Variants in TRMT44 observed in about 807,000 individuals in gnomAD.
TRMT44 encodes probable tRNA (uracil-O(2)-)-methyltransferase.
A neutral mutation model predicts 77.3 loss-of-function variants in TRMT44; 78 were observed. The observed-to-expected ratio is 1.01, with a 90% CI of 0.84 to 1.22. The LOEUF (loss-of-function observed/expected upper bound fraction) is 1.22, where lower values mean the gene tolerates loss of function less well. Ranked by LOEUF, TRMT44 falls within the 50% of genes most tolerant of loss-of-function variation. The probability of loss-of-function intolerance (pLI) is 0.00; values close to 1 mark genes in which losing one functional copy is unlikely to be tolerated. For missense variants in TRMT44, 1,090 were observed against 964.4 expected (o/e 1.13, Z -1.73); for synonymous variants, 391 against 383.3 (o/e 1.02, Z -0.23).
the TRMT44 span, among the ~76,000 whole-genome samples, chr4:8,503,594 A>C: frequency 6.6e-6 from 1 of 152,194 alleles, no homozygotes; most frequent in South Asian, 2.1e-4. Context: ...CTCAGAGAAC[A>C]CAGCAAAGAG....
rs1724947821 is a variant in TRMT44 at position 8,444,572 on chromosome 4, A to T, written c.620-1904A>T. 6.6e-6 allele frequency among the ~76,000 whole-genome samples: 1 copy of T among 151,908 alleles called. No individual in the cohort carries two copies. Among genetic ancestry groups the T allele is most frequent in the Admixed American group, 6.6e-5 (1 of 15,252 alleles). Reference sequence around the variant, plus strand: ...GCCACGACGCCCAGCTAATTTTTGTATTTTTCGTAGAGATGGGGTTTCACC... The same window carrying T: ...GCCACGACGCCCAGCTAATTTTTGTTTTTTTCGTAGAGATGGGGTTTCACC... On this transcript the variant is annotated intron_variant, in intron 1 of 10. Coordinates refer to ENST00000389737, the MANE Select transcript of TRMT44 (RefSeq NM_152544.3). This position sits in a 1 kb window ranked among gnomAD's most constrained non-coding sequence, Gnocchi z 4.0.
Position 8,465,360 on chromosome 4 carries a change from T to G in TRMT44, c.1311-18T>G, listed in dbSNP as rs768343904. 6.3e-6 allele frequency: 10 copies of G among 1,599,896 alleles called. No homozygotes were observed. In the Admixed American group the frequency reaches 1.2e-4, roughly 19 times the overall value. On this transcript the variant is annotated intron_variant, in intron 7 of 10. Coordinates refer to ENST00000389737, the MANE Select transcript of TRMT44 (RefSeq NM_152544.3). ...TGCTCAGGATGCTTGACCCTGTGGT[T>G]GTTGGTTCTTTTTGAAGGTCTTCCT... is the stretch of plus-strand genomic sequence containing the variant.
At chr4:8,470,408 T>C (rs1289114435) in intron 9 of TRMT44, among the ~76,000 whole-genome samples, 1 of 152,280 alleles carries the variant, frequency 6.6e-6, no homozygotes, top group Non-Finnish European at 1.5e-5. Flanking sequence ...GTGCAGCACC[T>C]GGCAGATAGG....
At chr4:8,504,742 G>A in the TRMT44 span, among the ~76,000 whole-genome samples, 157 of 152,244 alleles carry the variant, frequency 1.0e-3, no homozygotes, top group East Asian at 6.2e-3. The surrounding 1 kb of genome is among the most constrained non-coding windows in gnomAD (Gnocchi z 5.3). Flanking sequence ...TCTTGCCCCT[G>A]TCACAACCCA....
chr4:8,449,933 T>A, intron 3 of TRMT44, 45 bp downstream of exon 3: 1 of 631,520 alleles, frequency 1.6e-6, no homozygotes, highest in Non-Finnish European at 2.2e-6. Flanking sequence ...TTCATGATTT[T>A]CTTTTCTTTT....
In TRMT44 at chr4:8,468,193, A is replaced by G; in HGVS notation, c.1774A>G (p.Arg592Gly). 1 of 1,614,230 alleles carries G rather than the reference A, an allele frequency of 6.2e-7. No individual in the cohort carries two copies. The highest frequency in any genetic ancestry group is 2.2e-5 in the East Asian group (1 of 44,890). ...EGPWLPGFHP[R>G]EKAERVRNCA... is the part of the protein sequence containing the mutation. Reference sequence around the variant, plus strand: ...ACCCTGGCTACCTGGATTTCATCCCAGAGAAAAGGCTGAGCGTGTGAGGAA... The same window carrying G: ...ACCCTGGCTACCTGGATTTCATCCCGGAGAAAAGGCTGAGCGTGTGAGGAA... Residue 592 changes from arginine (R) to glycine (G), a missense_variant, in exon 9 of 11, where the codon AGA becomes GGA. Transcript: ENST00000389737.
At chr4:8,454,309 C>T (rs1392103163) in intron 5 of TRMT44, 1 of 173,018 alleles carries the variant, frequency 5.8e-6, no homozygotes, top group Non-Finnish European at 1.2e-5. Flanking sequence ...CACCTTCTTA[C>T]CTGCCTTGCA....
chr4:8,464,527 C>T (rs547278575), intron 7 of TRMT44, among the ~76,000 whole-genome samples: 6 of 152,182 alleles, frequency 3.9e-5, no homozygotes, highest in South Asian at 4.1e-4. Flanking sequence ...TGTGTGTGTC[C>T]GAGAGACTTG....
the TRMT44 span, among the ~76,000 whole-genome samples, chr4:8,511,327 C>T: frequency 6.6e-6 from 1 of 152,336 alleles, no homozygotes; most frequent in East Asian, 1.9e-4. Flanking sequence ...AGGTGCTTCC[C>T]TTCTCCGTGG....
intron 2 of TRMT44, among the ~76,000 whole-genome samples, chr4:8,490,813 A>C (rs1159945499): frequency 6.6e-6 from 1 of 152,182 alleles, no homozygotes; most frequent in African/African-American, 2.4e-5. Context: ...CCCCACCCAC[A>C]TCCTGCTGAT....
At position 8,476,204 on chromosome 4, in the gene TRMT44, A is replaced by G. The variant is rs958215268; in HGVS notation, c.*203A>G. The G allele has an allele frequency of 1.7e-6, 1 of 601,044 alleles. No individual in the cohort carries two copies. The highest frequency in any genetic ancestry group is 2.0e-5 in the South Asian group (1 of 49,412). The allele number at this position is 601,044 out of a possible 1,614,324, so 37.2% of individuals were successfully genotyped here. On this transcript the variant is annotated 3_prime_UTR_variant, in exon 11 of 11. Transcript: ENST00000389737. ...ACAGTTACTCGGAAGCCCCCAGCTG[A>G]CTGCCTGGCTTGTTTCAGATGCAGC...
the TRMT44 span, chr4:8,512,576 A>G: frequency 6.6e-6 from 1 of 152,240 alleles, no homozygotes; most frequent in Admixed American, 6.5e-5. Flanking sequence ...AAATCGTCGA[A>G]ACTTCCTCAA....
downstream of TRMT44, among the ~76,000 whole-genome samples, chr4:8,494,703 T>A (rs1728102307): frequency 1.3e-5 from 2 of 152,212 alleles, no homozygotes; most frequent in South Asian, 4.1e-4. Flanking sequence ...GGCTGTGTTA[T>A]GGGTGTGTCC....
At chr4:8,510,577 C>T in the TRMT44 span, 1 of 152,726 alleles carries the variant, frequency 6.5e-6, no homozygotes, top group South Asian at 2.1e-4. Context: ...TCTGCTGACC[C>T]CCGATGGCAA....
the TRMT44 span, among the ~76,000 whole-genome samples, chr4:8,501,607 C>A: frequency 6.6e-6 from 1 of 152,196 alleles, no homozygotes; most frequent in Non-Finnish European, 1.5e-5. This position sits in a 1 kb window ranked among gnomAD's most constrained non-coding sequence, Gnocchi z 4.4. Context: ...CAAGGGCCTT[C>A]TCACCAGGCT....
the TRMT44 span, among the ~76,000 whole-genome samples, chr4:8,507,691 CT>C: frequency 6.6e-6 from 1 of 152,228 alleles, no homozygotes; most frequent in East Asian, 1.9e-4. Context: ...GGTCCTGCCC[CT>C]GGTCACCTGG....
In TRMT44 at chr4:8,440,804, T is replaced by TGTA. The variant is rs757845577; in HGVS notation, c.-18_-16dup. 4.2e-6 allele frequency: 6 copies of TGTA among 1,435,978 alleles called. No homozygotes were observed. The South Asian group carries it at 8.7e-5, about 21-fold the overall frequency. 89.0% of individuals were successfully genotyped at this position (1,435,978 alleles called of 1,614,324 possible). A position where few individuals can be genotyped will look rare whatever the true frequency, so the allele number is the denominator to read the frequency against. On this transcript the variant is annotated 5_prime_UTR_variant, in exon 1 of 11. Coordinates refer to ENST00000389737, the MANE Select transcript of TRMT44 (RefSeq NM_152544.3). The stretch of plus-strand genomic sequence containing the variant: ...CATCTCGGCGCGCCGCTGCCAGGGC[T>TGTA]GTACACCTGCTGGCTGCCATGGCTG...
intron 1 of TRMT44, among the ~76,000 whole-genome samples, chr4:8,445,373 TA>T (rs1348655433): frequency 6.6e-6 from 1 of 152,230 alleles, no homozygotes; most frequent in Non-Finnish European, 1.5e-5. Flanking sequence ...TCACTCACAG[TA>T]AAAGCTGTAC....
intron 3 of TRMT44, 41 bp downstream of exon 3, chr4:8,449,929 A>ATTTTCTTTTT: frequency 8.2e-6 from 2 of 242,664 alleles, no homozygotes; most frequent in South Asian, 1.3e-4. Context: ...CCCCTTCATG[A>ATTTTCTTTTT]TTTTCTTTTC....
Sources: gnomAD v4.1 joint callset for allele counts (sites outside exome capture counted in the v4.1 genomes callset) on GRCh38, gnomAD v4.1.1 for gene constraint, Gnocchi (gnomAD v3.1) non-coding constraint, MANE v1.5 for transcripts, NCBI Gene and HGNC (gene_info 2026-07-23, HGNC 2026-07-21) for gene names.